MORC2: variants seen among roughly 807,000 people sequenced by gnomAD.
MORC2 encodes the protein ATPase MORC2.
In MORC2, 30 loss-of-function variants were observed where a neutral mutation model predicts 136.0. The observed-to-expected ratio is 0.22, with a 90% CI of 0.17 to 0.30. MORC2 has a LOEUF of 0.30. Ranked by LOEUF, MORC2 falls within the 10% of genes least tolerant of loss-of-function variation. The probability of loss-of-function intolerance (pLI) is 1.00; values close to 1 mark genes in which losing one functional copy is unlikely to be tolerated. For missense variants in MORC2, 922 were observed against 1,333.1 expected, an observed-to-expected ratio of 0.69 and a Z score of 4.80; for synonymous variants, 439 against 487.0, an observed-to-expected ratio of 0.90 and a Z score of 1.30.
chr22:30,946,523 C>A, intron 5 of MORC2, 74 bp from the exon 6 acceptor site: 1 of 1,338,248 alleles, frequency 7.5e-7, no homozygotes. Flanking sequence ...TCAATCCACT[C>A]TGGACATGAT....
intron 1 of MORC2, among the ~76,000 whole-genome samples, chr22:30,961,964 G>C (rs1267743980): frequency 6.6e-6 from 1 of 152,098 alleles, no homozygotes; most frequent in African/African-American, 2.4e-5. Context: ...GGGAGGCCGA[G>C]GTGGGTGGAT....
intron 1 of MORC2, chr22:30,967,029 ATC>A: frequency 1.1e-6 from 1 of 924,198 alleles, no homozygotes; most frequent in Non-Finnish European, 1.3e-6. Flanking sequence ...GTAGCTGCTC[ATC>A]TCCTCTCCAG....
chr22:30,942,970 AC>A, intron 6 of MORC2, among the ~76,000 whole-genome samples: 1 of 152,124 alleles, frequency 6.6e-6, no homozygotes, highest in East Asian at 1.9e-4. Flanking sequence ...GTGCCACTGC[AC>A]TCCAGCCTGG....
At position 30,941,163 on chromosome 22, in the gene MORC2, C is replaced by T. The variant is rs547727815; in HGVS notation, c.824+270G>A. On this transcript the variant is annotated intron_variant, in intron 9 of 25. Coordinates refer to ENST00000397641, the MANE Select transcript of MORC2 (RefSeq NM_001303256.3). This position sits in a 1 kb window ranked among gnomAD's most constrained non-coding sequence, Gnocchi z 4.6. ...GCCCCTTGGCCCTAAAGCCAAGAGACTCAGACAGCTCACTGAGCCAGGCAG... is the reference window on the plus strand; with the variant it reads ...GCCCCTTGGCCCTAAAGCCAAGAGATTCAGACAGCTCACTGAGCCAGGCAG... 1.3e-5 allele frequency among the ~76,000 whole-genome samples: 2 copies of T among 152,294 alleles called. No individual in the cohort carries two copies. Among genetic ancestry groups the T allele is most frequent in the South Asian group, 2.1e-4 (1 of 4,820 alleles).
rs2040636201 is a variant in MORC2 at position 30,935,243 on chromosome 22, T to A, written c.1812+5A>T. On this transcript the variant is annotated splice_donor_5th_base_variant and intron_variant, in intron 18 of 25. Transcript: ENST00000397641. The stretch of plus-strand genomic sequence containing the variant: ...AAAAGCCCTTCCCAGGCCCCTGGAC[T>A]TCACCTCAGTGGAAGGTCTGGTGGT... The A allele has an allele frequency of 6.2e-7, 1 of 1,613,268 alleles. No individual in the cohort carries two copies. The highest frequency in any genetic ancestry group is 1.7e-5 in the Admixed American group (1 of 59,872).
rs111532553 is a variant in MORC2, at chr22:30,952,933, G to A, written c.158-2488C>T. Among the ~76,000 whole-genome samples, 446 of 152,292 alleles carry A rather than the reference G, an allele frequency of 2.9e-3. 4 individuals are homozygous for A. Among genetic ancestry groups the A allele is most frequent in the Non-Finnish European group, 4.4e-3 (296 of 68,038 alleles). ...TATTGGCTAGAGCAAAATGTAGTAT[G>A]GGTAAGAATTATCCAAAGAGCTTGT... On this transcript the variant is annotated intron_variant, in intron 3 of 25. Coordinates refer to ENST00000397641, the MANE Select transcript of MORC2 (RefSeq NM_001303256.3).
chr22:30,956,333 C>T (rs1012741305), intron 3 of MORC2, among the ~76,000 whole-genome samples: 3 of 152,176 alleles, frequency 2.0e-5, no homozygotes, highest in South Asian at 2.1e-4. Context: ...TTTCCGCAAC[C>T]GATACCAGCA....
At position 30,939,967 on chromosome 22, in the gene MORC2, C is replaced by A; in HGVS notation, c.979G>T (p.Asp327Tyr). ...EVRLGGDLTR[D>Y]SRVMLRQVQN... is the part of the protein sequence containing the mutation. ...CTGGGCCGGGACCTTACCCTGGAGTCCCGCGTGAGGTCTCCACCTAGGCGT... is the reference window on the plus strand; with the variant it reads ...CTGGGCCGGGACCTTACCCTGGAGTACCGCGTGAGGTCTCCACCTAGGCGT... The change falls in exon 11 of 26, where the codon GAC becomes TAC. Residue 327 changes from aspartate (D) to tyrosine (Y), a missense_variant. Coordinates refer to ENST00000397641, the MANE Select transcript of MORC2 (RefSeq NM_001303256.3). 2 of 1,613,858 alleles carry A rather than the reference C, an allele frequency of 1.2e-6. No individual in the cohort carries two copies. The highest frequency in any genetic ancestry group is 1.7e-6 in the Non-Finnish European group (2 of 1,179,996).
At chr22:30,959,581 C>G (rs962735455) in intron 1 of MORC2, among the ~76,000 whole-genome samples, 1 of 152,106 alleles carries the variant, frequency 6.6e-6, no homozygotes, top group Admixed American at 6.5e-5. Context: ...AATTTGTGCT[C>G]TTTTCCACAA....
intron 1 of MORC2, among the ~76,000 whole-genome samples, chr22:30,965,533 C>CA: frequency 6.6e-6 from 1 of 152,338 alleles, no homozygotes; most frequent in South Asian, 2.1e-4. Flanking sequence ...ACTAATACAT[C>CA]AAAAAGGAGA....
In MORC2 at chr22:30,937,680, C is replaced by T. The variant is rs1420591465; in HGVS notation, c.1401G>A (p.Glu467=). The T allele has an allele frequency of 2.5e-6, 4 of 1,614,154 alleles. No homozygotes were observed. The highest frequency in any genetic ancestry group is 1.7e-5 in the Admixed American group (1 of 60,028). The change falls in exon 15 of 26, where the codon GAG becomes GAA. Residue 467 remains glutamate, a synonymous_variant. Transcript: ENST00000397641. The surrounding 1 kb of genome is among the most constrained non-coding windows in gnomAD (Gnocchi z 4.7). ...AQRGIIKFWD[E]FGYLSANWNQ... is the part of the protein sequence containing the mutation. ...TCCAGTTGGCAGAGAGGTAGCCAAA[C>T]TCATCCCAGAACTTGATGATTCCCC...
rs534900451 is a variant in MORC2, at chr22:30,941,905, C to T, written c.684G>A (p.Thr228=). Residue 228 remains threonine, a synonymous_variant, in exon 8 of 26, where the codon ACG becomes ACA. Transcript: ENST00000397641. This position sits in a 1 kb window ranked among gnomAD's most constrained non-coding sequence, Gnocchi z 4.6. The part of the protein sequence containing the change: ...SNPRDIQMAE[T]SPEGTKPERR... Reference sequence around the variant, plus strand: ...GCCACACTCACGTGCCCTCTGGGGACGTCTCTGCCATCTGGATATCTCTTG... The same window carrying T: ...GCCACACTCACGTGCCCTCTGGGGATGTCTCTGCCATCTGGATATCTCTTG... 2.7e-5 allele frequency: 43 copies of T among 1,612,042 alleles called. No individual in the cohort carries two copies. Among genetic ancestry groups the T allele is most frequent in the Middle Eastern group, 1.7e-4 (1 of 6,060 alleles).
rs772156620 is a variant in MORC2, at chr22:30,937,084, C to CT, written c.1499-48dup. On this transcript the variant is annotated intron_variant, in intron 15 of 25. Coordinates refer to ENST00000397641, the MANE Select transcript of MORC2 (RefSeq NM_001303256.3). The surrounding 1 kb of genome is among the most constrained non-coding windows in gnomAD (Gnocchi z 4.7). ...CACATATCAGCCACGCCCACCAACT[C>CT]TATCTGTAATCCGGGTTCCTCACAG... 8.6e-6 allele frequency: 12 copies of CT among 1,401,704 alleles called. No homozygotes were observed. The highest frequency in any genetic ancestry group is 1.1e-5 in the Non-Finnish European group (11 of 990,386). The allele number at this position is 1,401,704 out of a possible 1,614,324, so 86.8% of individuals were successfully genotyped here. A position where few individuals can be genotyped will look rare whatever the true frequency, so the allele number is the denominator to read the frequency against.
At chr22:30,954,498 A>C (rs2040937230) in intron 3 of MORC2, among the ~76,000 whole-genome samples, 1 of 152,156 alleles carries the variant, frequency 6.6e-6, no homozygotes, top group Non-Finnish European at 1.5e-5. Context: ...ATTGTTCTCT[A>C]ATTATCCATA....
chr22:30,967,203 T>G, intron 1 of MORC2: 2 of 985,706 alleles, frequency 2.0e-6, no homozygotes, highest in Non-Finnish European at 2.4e-6. Flanking sequence ...TACTCCTTCA[T>G]GAACTCAAGA....
At position 30,933,925 on chromosome 22, in the gene MORC2, G is replaced by C. The variant is rs531186676; in HGVS notation, c.2325+135C>G. 5.3e-4 allele frequency: 503 copies of C among 957,832 alleles called. 4 individuals carry two copies. The African/African-American group carries it at 7.0e-3, about 13-fold the overall frequency. The allele number at this position is 957,832 out of a possible 1,614,324, so 59.3% of individuals were successfully genotyped here. A position where few individuals can be genotyped will look rare whatever the true frequency, so the allele number is the denominator to read the frequency against. ...AACAGAGTTGGTGCAGACTGCTGGT[G>C]GGGGGGGTAGACTGCTGGTGGGTTG... On this transcript the variant is annotated intron_variant, in intron 20 of 25. Transcript: ENST00000397641.
At chr22:30,967,518 A>C (rs140062700) in intron 1 of MORC2, 3 of 1,170,222 alleles carry the variant, frequency 2.6e-6, no homozygotes, top group Non-Finnish European at 3.2e-6. Context: ...CCAATAGAGC[A>C]GTATTTGTTG....
In MORC2 at chr22:30,956,806, TGAAAA is replaced by T. The variant is rs2040973478; in HGVS notation, c.123-14_123-10del. On this transcript the variant is annotated splice_polypyrimidine_tract_variant and intron_variant, in intron 2 of 25. Transcript: ENST00000397641. Reference sequence around the variant, plus strand: ...TGGTGGCATCAGCATCTCTGCAAAGTGAAAAGAAAAGAATCATGTGAATTAATATG... The same window carrying T: ...TGGTGGCATCAGCATCTCTGCAAAGTGAAAAGAATCATGTGAATTAATATG... The T allele has an allele frequency of 5.8e-6, 9 of 1,543,072 alleles. No homozygotes were observed. The highest frequency in any genetic ancestry group is 2.7e-5 in the African/African-American group (2 of 72,814).
intron 10 of MORC2, 134 bp from the exon 11 acceptor site, chr22:30,940,175 T>A: frequency 1.2e-6 from 1 of 827,434 alleles, no homozygotes; most frequent in Non-Finnish European, 1.9e-6. Flanking sequence ...CTATGGCTGG[T>A]GAGCAATGTG....
Sources: gnomAD v4.1 joint callset for allele counts (sites outside exome capture counted in the v4.1 genomes callset) on GRCh38, gnomAD v4.1.1 for gene constraint, Gnocchi (gnomAD v3.1) non-coding constraint, MANE v1.5 for transcripts, NCBI Gene and HGNC (gene_info 2026-07-23, HGNC 2026-07-21) for gene names.